Variants in KNL1 observed in about 807,000 individuals in gnomAD.
KNL1 encodes outer kinetochore KNL1 complex subunit KNL1.
KNL1 carries 66 observed loss-of-function variants against 201.3 expected under a neutral mutation model. The ratio of observed to expected loss-of-function variants is 0.33; its 90% confidence interval spans 0.27 to 0.40. The LOEUF is 0.40. Among genes scored for constraint, KNL1 ranks in the 10% least tolerant of loss-of-function variants. The pLI, the probability that KNL1 is intolerant of heterozygous loss-of-function variation, is 1.00. For missense variants in KNL1, 2,815 were observed against 2,690.5 expected (o/e 1.05, Z -1.02); for synonymous variants, 895 against 899.2 (o/e 1.00, Z 0.08).
chr15:40,621,951 A>G lies in KNL1; in HGVS notation c.1687A>G (p.Lys563Glu). The G allele has an allele frequency of 6.2e-7, 1 of 1,613,904 alleles. No homozygotes were observed. Among genetic ancestry groups the G allele is most frequent in the Non-Finnish European group, 8.5e-7 (1 of 1,179,858 alleles). ...NPLSISLTDR[K>E]TELLSGENMD... The stretch of plus-strand genomic sequence containing the variant: ...TTTGTCTATTTCATTGACTGATAGA[A>G]AGACTGAACTCTTATCAGGTGAAAA... The change falls in exon 10 of 26, where the codon AAG becomes GAG. Residue 563 changes from lysine (K) to glutamate (E), a missense_variant. Coordinates refer to ENST00000399668, the MANE Select transcript of KNL1 (RefSeq NM_144508.5).
chr15:40,613,252 C>CGTGT (rs756688130), intron 7 of KNL1, among the ~76,000 whole-genome samples: 32 of 151,270 alleles, frequency 2.1e-4, no homozygotes, highest in African/African-American at 7.8e-4. Context: ...AGAAGAAAAG[C>CGTGT]GTGTGTGTGT....
In KNL1 at chr15:40,624,202, A is replaced by T; in HGVS notation, c.3938A>T (p.Asp1313Val). Residue 1313 changes from aspartate (D) to valine (V), a missense_variant, in exon 10 of 26, where the codon GAT (aspartate) becomes GTT (valine). Around this residue, in one of 3 missense-constraint regions of KNL1, gnomAD observed 2,464 missense variants for 2,291.7 expected, o/e 1.08. Transcript: ENST00000399668. The part of the protein sequence containing the change: ...SCLPNVISCT[D>V]NLEGSAMLLC... ...TTACCAAATGTTATTTCCTGTACTG[A>T]TAATTTGGAGGGTAGTGCCATGCTC... The T allele has an allele frequency of 6.2e-7, 1 of 1,613,900 alleles. No individual in the cohort carries two copies.
intron 22 of KNL1, among the ~76,000 whole-genome samples, chr15:40,656,750 G>A (rs997615431): frequency 6.6e-6 from 1 of 151,962 alleles, no homozygotes; most frequent in African/African-American, 2.4e-5. Flanking sequence ...GCCGGGTATG[G>A]TGGCAGACGC....
At chr15:40,602,254 C>G (rs903139686) in intron 1 of KNL1, among the ~76,000 whole-genome samples, 7 of 147,044 alleles carry the variant, frequency 4.8e-5, no homozygotes, top group African/African-American at 1.8e-4. Flanking sequence ...AAGATGGTCT[C>G]GATCTCCTGA....
At chr15:40,639,609 A>T (rs955383936) in intron 13 of KNL1, among the ~76,000 whole-genome samples, 11 of 151,708 alleles carry the variant, frequency 7.3e-5, no homozygotes, top group African/African-American at 2.7e-4. Context: ...GGAAAAAAAA[A>T]ATTTTTTTTA....
intron 14 of KNL1, among the ~76,000 whole-genome samples, chr15:40,641,878 AT>A (rs1893240179): frequency 1.3e-5 from 2 of 152,238 alleles, no homozygotes; most frequent in Non-Finnish European, 2.9e-5. Context: ...AAGATAGCTC[AT>A]TGCTATGGTA....
chr15:40,628,720 A>G, intron 12 of KNL1, 42 bp downstream of exon 12: 2 of 1,343,618 alleles, frequency 1.5e-6, no homozygotes, highest in Non-Finnish European at 2.1e-6. Context: ...TATAAAGAAA[A>G]GAGGTTTAAA....
At chr15:40,636,819 G>C (rs1019386674) in intron 13 of KNL1, among the ~76,000 whole-genome samples, 1 of 152,112 alleles carries the variant, frequency 6.6e-6, no homozygotes, top group Non-Finnish European at 1.5e-5. Flanking sequence ...AACAGAGTGA[G>C]AGCTTGTCTC....
At position 40,650,339 on chromosome 15, in the gene KNL1, G is replaced by A. The variant is rs1259689945; in HGVS notation, c.6133G>A (p.Val2045Met). Reference protein sequence around the residue: ...NLEDEEKNNPVEEWDSEMRAA... With the variant: ...NLEDEEKNNPMEEWDSEMRAA... ...GGAGGATGAAGAGAAAAACAATCCT[G>A]TGGAAGAATGGGATTCTGAAATGAG... Residue 2045 changes from valine to methionine, a missense_variant, in exon 18 of 26, where the codon GTG becomes ATG. Around this residue, in one of 3 missense-constraint regions of KNL1, gnomAD observed 334 missense variants for 362.6 expected, o/e 0.92. Coordinates refer to ENST00000399668, the MANE Select transcript of KNL1 (RefSeq NM_144508.5). 6.2e-7 allele frequency: 1 copy of A among 1,612,800 alleles called. No individual in the cohort carries two copies. The highest frequency in any genetic ancestry group is 8.5e-7 in the Non-Finnish European group (1 of 1,179,016).
intron 10 of KNL1, chr15:40,626,060 C>G (rs1469019561): frequency 6.5e-6 from 1 of 153,740 alleles, no homozygotes; most frequent in East Asian, 1.9e-4. Context: ...TTTATTTTGC[C>G]AACTGCATGA....
chr15:40,614,183 C>T (rs1330736278), intron 7 of KNL1, among the ~76,000 whole-genome samples: 5 of 150,054 alleles, frequency 3.3e-5, no homozygotes, highest in African/African-American at 7.4e-5. Flanking sequence ...CTGCAACCTC[C>T]GCCTCATGGG....
intron 10 of KNL1, 70 bp from the exon 11 acceptor site, chr15:40,628,000 C>A: frequency 2.0e-6 from 2 of 1,008,424 alleles, no homozygotes; most frequent in Non-Finnish European, 2.8e-6. Flanking sequence ...AGTAGTATTT[C>A]TGTTAGTGTT....
At chr15:40,660,984 C>G (rs906434351) in intron 25 of KNL1, among the ~76,000 whole-genome samples, 1 of 152,136 alleles carries the variant, frequency 6.6e-6, no homozygotes, top group African/African-American at 2.4e-5. Flanking sequence ...GTCTGTGGAA[C>G]CAGCCCTAAA....
At chr15:40,615,216 T>C (rs1892299438) in intron 7 of KNL1, 125 bp from the exon 8 acceptor site, 1 of 356,844 alleles carries the variant, frequency 2.8e-6, no homozygotes, top group Non-Finnish European at 5.3e-6. Flanking sequence ...TAAAAAGATG[T>C]CTTTATAATT....
In KNL1 at chr15:40,623,547, G is replaced by A; in HGVS notation, c.3283G>A (p.Glu1095Lys). The change falls in exon 10 of 26, where the codon GAA (glutamate) becomes AAA (lysine). Residue 1095 changes from glutamate (E) to lysine (K), a missense_variant. Glu to Lys is a moderately conservative substitution (Grantham distance 56). This residue lies in a region of KNL1 where 2,464 missense variants were observed against 2,291.7 expected (regional missense o/e 1.08). Transcript: ENST00000399668. The stretch of plus-strand genomic sequence containing the variant: ...GGATATTACCCAGAGTTGTATGGTG[G>A]AAATAGATAACGAAAGTGCCCTGGA... The part of the protein sequence containing the change: ...DMDITQSCMV[E>K]IDNESALEDK... The A allele has an allele frequency of 6.2e-7, 1 of 1,613,676 alleles. No individual in the cohort carries two copies. Among genetic ancestry groups the A allele is most frequent in the Non-Finnish European group, 8.5e-7 (1 of 1,179,916 alleles).
intron 13 of KNL1, among the ~76,000 whole-genome samples, 198 bp from the exon 14 acceptor site, chr15:40,640,714 A>G (rs1893202408): frequency 1.3e-5 from 2 of 152,206 alleles, no homozygotes; most frequent in East Asian, 1.9e-4. Context: ...TTCCAGTAAA[A>G]TCTATGGGGA....
intron 4 of KNL1, among the ~76,000 whole-genome samples, chr15:40,607,342 A>G (rs978252139): frequency 2.6e-5 from 4 of 152,190 alleles, no homozygotes; most frequent in Non-Finnish European, 5.9e-5. Flanking sequence ...TAAGAAATAT[A>G]TTAGTCTCTG....
rs1892495579 is a variant in KNL1 at position 40,620,808 on chromosome 15, T to G, written c.544T>G (p.Phe182Val). 2 of 1,610,536 alleles carry G rather than the reference T, an allele frequency of 1.2e-6. No individual in the cohort carries two copies. The highest frequency in any genetic ancestry group is 2.2e-5 in the South Asian group (2 of 90,600). The change falls in exon 10 of 26, where the codon TTT (phenylalanine) becomes GTT (valine). Residue 182 changes from phenylalanine to valine, a missense_variant. Phe to Val is a conservative substitution (Grantham distance 50). Around this residue, in one of 3 missense-constraint regions of KNL1, gnomAD observed 2,464 missense variants for 2,291.7 expected, o/e 1.08. Transcript: ENST00000399668. ...EKSTKIDTTS[F>V]LANLKLHTED... ...GTCCACCAAGATAGATACCACATCA[T>G]TTCTAGCTAATTTAAAGCTTCACAC...
intron 13 of KNL1, among the ~76,000 whole-genome samples, chr15:40,629,595 C>T (rs561215841): frequency 1.2e-4 from 18 of 146,884 alleles, no homozygotes; most frequent in African/African-American, 4.5e-4. Context: ...CCTCTGCCTC[C>T]TGGGTTCAAG....
Sources: allele counts gnomAD v4.1 joint callset (sites outside exome capture counted in the v4.1 genomes callset), GRCh38; gene constraint gnomAD v4.1.1; regional missense constraint gnomAD v4.1.1; transcripts MANE v1.5; gene names NCBI Gene and HGNC (gene_info 2026-07-23, HGNC 2026-07-21).